The following MICU3 variants were observed in gnomAD, a reference collection of about 807,000 sequenced individuals.
MICU3 encodes the protein mitochondrial calcium uptake 3, also known as calcium uptake protein 3, mitochondrial.
In MICU3, 62 loss-of-function variants were observed where a neutral mutation model predicts 66.5. The observed-to-expected ratio is 0.93, with a 90% confidence interval of 0.76 to 1.15. MICU3 has a LOEUF of 1.15. Ranked by LOEUF, MICU3 falls within the 50% of genes most tolerant of loss-of-function variation. The probability of loss-of-function intolerance (pLI) is 0.00; values close to 1 mark genes in which losing one functional copy is unlikely to be tolerated. For missense variants in MICU3, 779 were observed against 664.4 expected, an observed-to-expected ratio of 1.17 and a Z score of -1.90; for synonymous variants, 308 against 240.7, an observed-to-expected ratio of 1.28 and a Z score of -2.59.
chr8:17,075,580 A>C (rs1820261881), intron 3 of MICU3, among the ~76,000 whole-genome samples: 1 of 152,188 alleles, frequency 6.6e-6, no homozygotes, highest in Admixed American at 6.5e-5. Flanking sequence ...GTGGAAATAT[A>C]AAAAATTTAA....
intron 7 of MICU3, among the ~76,000 whole-genome samples, chr8:17,088,012 T>G (rs1799652206): frequency 6.6e-6 from 1 of 152,042 alleles, no homozygotes; most frequent in African/African-American, 2.4e-5. Flanking sequence ...ATTATTCTCA[T>G]TTTTATAAGA....
intron 3 of MICU3, among the ~76,000 whole-genome samples, chr8:17,071,283 T>G (rs1161143241): frequency 6.6e-6 from 1 of 152,126 alleles, no homozygotes; most frequent in Non-Finnish European, 1.5e-5. Context: ...CTCACGGTTC[T>G]GGGGGCTTGA....
the MICU3 span, chr8:17,134,168 A>T: frequency 2.1e-4 from 32 of 152,366 alleles, no homozygotes; most frequent in African/African-American, 7.7e-4. Flanking sequence ...TGGGATGTAC[A>T]TAAAGAGATT....
intron 2 of MICU3, among the ~76,000 whole-genome samples, chr8:17,065,443 C>T (rs184845316): frequency 1.3e-5 from 2 of 152,110 alleles, no homozygotes; most frequent in African/African-American, 4.8e-5. Context: ...ATGAAATTGC[C>T]TAGGGAAGCT....
chr8:17,085,389 T>C (rs2150739296), intron 6 of MICU3, 71 bp downstream of exon 6: 1 of 1,004,602 alleles, frequency 1.0e-6, no homozygotes, highest in Non-Finnish European at 1.5e-6. Context: ...GTTTTTGCCT[T>C]ATTGGGAGTA....
intron 3 of MICU3, among the ~76,000 whole-genome samples, chr8:17,077,153 A>G (rs1048844811): frequency 6.6e-6 from 1 of 152,220 alleles, no homozygotes; most frequent in Non-Finnish European, 1.5e-5. Context: ...GCTAAGCAGC[A>G]GTTGAAGTCT....
At chr8:17,067,116 G>T (rs1818846133) in intron 2 of MICU3, among the ~76,000 whole-genome samples, 1 of 146,516 alleles carries the variant, frequency 6.8e-6, no homozygotes, top group African/African-American at 2.4e-5. Context: ...AAAAGATCAA[G>T]ATATTCATAA....
At chr8:17,067,394 A>G (rs1166401877) in intron 2 of MICU3, among the ~76,000 whole-genome samples, 4 of 151,880 alleles carry the variant, frequency 2.6e-5, no homozygotes, top group Non-Finnish European at 4.4e-5. Flanking sequence ...TAATATTGGT[A>G]TGTCATCATC....
intron 1 of MICU3, among the ~76,000 whole-genome samples, chr8:17,050,367 G>A (rs1384063011): frequency 6.6e-6 from 1 of 151,594 alleles, no homozygotes; most frequent in African/African-American, 2.4e-5. Flanking sequence ...ATTGACACAT[G>A]TACTTCTAGT....
chr8:17,046,548 G>A, intron 1 of MICU3, among the ~76,000 whole-genome samples: 1 of 151,962 alleles, frequency 6.6e-6, no homozygotes. Flanking sequence ...AAATTGCCAG[G>A]GACAGAAATA....
chr8:17,027,515 G>A lies in MICU3; in HGVS notation c.236G>A (p.Gly79Asp). The change falls in exon 1 of 15, where the codon GGC becomes GAC. Residue 79 changes from glycine (G) to aspartate (D), a missense_variant. Coordinates refer to ENST00000318063, the MANE Select transcript of MICU3 (RefSeq NM_181723.3). ...GCGGCGGCCGGCGGGGGGCTGGTCGGCCTGGTATGCTACCAGCTGTACGGG... is the reference window on the plus strand; with the variant it reads ...GCGGCGGCCGGCGGGGGGCTGGTCGACCTGGTATGCTACCAGCTGTACGGG... Reference protein sequence around the residue: ...VAAAAGGGLVGLVCYQLYGDP... With the variant: ...VAAAAGGGLVDLVCYQLYGDP... 1 of 1,284,908 alleles carries A rather than the reference G, an allele frequency of 7.8e-7. No homozygotes were observed. The highest frequency in any genetic ancestry group is 9.8e-7 in the Non-Finnish European group (1 of 1,020,256). 79.6% of individuals were successfully genotyped at this position (1,284,908 alleles called of 1,614,324 possible). A position where few individuals can be genotyped will look rare whatever the true frequency, so the allele number is the denominator to read the frequency against.
chr8:17,112,258 G>C (rs182342353), intron 11 of MICU3, among the ~76,000 whole-genome samples: 57 of 152,258 alleles, frequency 3.7e-4, no homozygotes, highest in Admixed American at 3.7e-3. Flanking sequence ...CTCAGTGCAT[G>C]TATTTTTTGA....
chr8:17,035,355 TTGG>T (rs1812787756), intron 1 of MICU3, among the ~76,000 whole-genome samples: 2 of 152,086 alleles, frequency 1.3e-5, no homozygotes, highest in African/African-American at 4.8e-5. Context: ...TAGGCAGAGG[TTGG>T]AACAGTTTGG....
chr8:17,047,771 A>C (rs897841444), intron 1 of MICU3, among the ~76,000 whole-genome samples: 27 of 152,216 alleles, frequency 1.8e-4, no homozygotes, highest in African/African-American at 6.3e-4. Flanking sequence ...AGAGACTGAG[A>C]GTTTACCAGT....
At position 17,098,504 on chromosome 8, in the gene MICU3, A is replaced by G. The variant is rs1800964123; in HGVS notation, c.935A>G (p.Asp312Gly). 6.2e-7 allele frequency: 1 copy of G among 1,611,784 alleles called. No homozygotes were observed. Among genetic ancestry groups the G allele is most frequent in the African/African-American group, 1.3e-5 (1 of 74,748 alleles). Residue 312 changes from aspartate (D) to glycine (G), a missense_variant, in exon 9 of 15, where the codon GAT becomes GGT. Coordinates refer to ENST00000318063, the MANE Select transcript of MICU3 (RefSeq NM_181723.3). Reference sequence around the variant, plus strand: ...GAACTTGTCTCCAGAAGCTATTGGGATACACTGAGACGTAACACAAGCCAA... The same window carrying G: ...GAACTTGTCTCCAGAAGCTATTGGGGTACACTGAGACGTAACACAAGCCAA... ...AEELVSRSYW[D>G]TLRRNTSQAL...
intron 4 of MICU3, among the ~76,000 whole-genome samples, chr8:17,081,229 A>G (rs1280245065): frequency 1.3e-5 from 2 of 152,156 alleles, no homozygotes; most frequent in Non-Finnish European, 2.9e-5. Context: ...AAAATGCGAA[A>G]CATCACATTT....
At chr8:17,051,068 A>G (rs1179055853) in intron 1 of MICU3, among the ~76,000 whole-genome samples, 1 of 152,168 alleles carries the variant, frequency 6.6e-6, no homozygotes, top group East Asian at 1.9e-4. Context: ...TTTTTTATAT[A>G]CATCTGAAAC....
At position 17,105,562 on chromosome 8, in the gene MICU3, G is replaced by C; in HGVS notation, c.1235G>C (p.Arg412Pro). 6.4e-7 allele frequency: 1 copy of C among 1,555,910 alleles called. No homozygotes were observed. Among genetic ancestry groups the C allele is most frequent in the Non-Finnish European group, 8.7e-7 (1 of 1,151,236 alleles). The change falls in exon 11 of 15, where the codon CGT becomes CCT. Residue 412 changes from arginine to proline, a missense_variant. Transcript: ENST00000318063. ...ENTSVFLENVRYSIPEEKGIT... is the reference protein window; with the variant it reads ...ENTSVFLENVPYSIPEEKGIT... ...ACATCAGTATTTTTAGAAAATGTGCGTTACAGTATACCTGAAGAAAAGGTA... is the reference window on the plus strand; with the variant it reads ...ACATCAGTATTTTTAGAAAATGTGCCTTACAGTATACCTGAAGAAAAGGTA...
chr8:17,042,889 G>T (rs1814411840), intron 1 of MICU3, among the ~76,000 whole-genome samples: 1 of 148,036 alleles, frequency 6.8e-6, no homozygotes, highest in South Asian at 2.1e-4. Flanking sequence ...TCCTCAAAGG[G>T]TTATAATAGA....
Sources: gnomAD v4.1 joint callset for allele counts (sites outside exome capture counted in the v4.1 genomes callset) on GRCh38, gnomAD v4.1.1 for gene constraint, MANE v1.5 for transcripts, NCBI Gene and HGNC (gene_info 2026-07-23, HGNC 2026-07-21) for gene names.